STOML3: variants seen among roughly 807,000 people sequenced by gnomAD.
STOML3 encodes the protein stomatin-like protein 3.
Under a neutral mutation model 29.5 loss-of-function variants are expected in STOML3, and 31 were observed. That is an observed-to-expected ratio of 1.05 (90% CI 0.79 to 1.42). The LOEUF (loss-of-function observed/expected upper bound fraction) is 1.42. Ranked by LOEUF, STOML3 falls within the 40% of genes most tolerant of loss-of-function variation. The probability of loss-of-function intolerance (pLI) is 0.00; values close to 1 mark genes in which losing one functional copy is unlikely to be tolerated. For missense variants in STOML3, 380 were observed against 363.0 expected, an observed-to-expected ratio of 1.05 and a Z score of -0.38; for synonymous variants, 122 against 139.8, an observed-to-expected ratio of 0.87 and a Z score of 0.90.
chr13:38,981,695 A>G (rs559315552), intron 1 of STOML3, among the ~76,000 whole-genome samples: 19 of 152,322 alleles, frequency 1.2e-4, no homozygotes, highest in African/African-American at 4.3e-4. Flanking sequence ...CATCAAAAAA[A>G]TGAAAGTCAA....
At chr13:38,973,236 C>T (rs1880954182) in intron 3 of STOML3, among the ~76,000 whole-genome samples, 3 of 150,466 alleles carry the variant, frequency 2.0e-5, no homozygotes, top group Non-Finnish European at 4.4e-5. Flanking sequence ...GAGCCAAGAT[C>T]GTGCCACTGC....
At chr13:38,970,115 C>T in intron 5 of STOML3, 70 bp downstream of exon 5, 2 of 1,439,246 alleles carry the variant, frequency 1.4e-6, no homozygotes, top group East Asian at 2.3e-5. Flanking sequence ...GAACTGCTGA[C>T]ATTTAATAAT....
chr13:38,971,577 C>G (rs914300687), intron 4 of STOML3, among the ~76,000 whole-genome samples: 1 of 152,162 alleles, frequency 6.6e-6, no homozygotes, highest in Admixed American at 6.5e-5. Flanking sequence ...TTCCTCTTCC[C>G]TATTGCTGAG....
chr13:38,977,341 C>G (rs1324011894), intron 1 of STOML3, among the ~76,000 whole-genome samples: 1 of 152,218 alleles, frequency 6.6e-6, no homozygotes, highest in Non-Finnish European at 1.5e-5. Context: ...ACCACTCAGT[C>G]TCTGGGTTTC....
intron 1 of STOML3, among the ~76,000 whole-genome samples, chr13:38,980,738 T>G (rs1016645804): frequency 6.6e-6 from 1 of 152,196 alleles, no homozygotes; most frequent in African/African-American, 2.4e-5. Context: ...CATCATTCAT[T>G]TAACAAATAT....
chr13:38,970,270 G>A lies in STOML3; in HGVS notation c.431C>T (p.Ala144Val), dbSNP rs867239079. The A allele has an allele frequency of 6.2e-7, 1 of 1,614,170 alleles. No homozygotes were observed. The highest frequency in any genetic ancestry group is 1.1e-5 in the South Asian group (1 of 91,082). Residue 144 changes from alanine to valine, a missense_variant, in exon 5 of 7, where the codon GCT becomes GTT. Coordinates refer to ENST00000379631, the MANE Select transcript of STOML3 (RefSeq NM_145286.3). Reference protein sequence around the residue: ...NDVHQATFLLAQTTLRNVLGT... With the variant: ...NDVHQATFLLVQTTLRNVLGT... ...TAAGACATTTCTCAGAGTGGTTTGA[G>A]CCAGCAGAAATGTTGCTTGATGGAC... is the stretch of plus-strand genomic sequence containing the variant.
intron 1 of STOML3, among the ~76,000 whole-genome samples, chr13:38,980,451 A>C (rs953859164): frequency 2.0e-5 from 3 of 152,320 alleles, no homozygotes; most frequent in African/African-American, 7.2e-5. Flanking sequence ...ATTCTGACTG[A>C]AAGGATATGC....
At chr13:38,987,209 A>G (rs1227072210) in intron 1 of STOML3, among the ~76,000 whole-genome samples, 2 of 152,114 alleles carry the variant, frequency 1.3e-5, no homozygotes, top group Non-Finnish European at 2.9e-5. Flanking sequence ...TTAGAAACAC[A>G]TGCACACAAG....
Position 38,966,653 on chromosome 13 carries a change from C to T in STOML3, c.*172G>A, listed in dbSNP as rs1240132777. Reference sequence around the variant, plus strand: ...AAGTAATATACAGGTCTCATTTTTGCTCTTTTTTTCTTCTCTGTATAGCCT... The same window carrying T: ...AAGTAATATACAGGTCTCATTTTTGTTCTTTTTTTCTTCTCTGTATAGCCT... On this transcript the variant is annotated 3_prime_UTR_variant, in exon 7 of 7. Transcript: ENST00000379631. 1.3e-5 allele frequency: 7 copies of T among 550,368 alleles called. No individual in the cohort carries two copies. Among genetic ancestry groups the T allele is most frequent in the African/African-American group, 1.9e-5 (1 of 53,126 alleles). The allele number at this position is 550,368 out of a possible 1,614,324, so 34.1% of individuals were successfully genotyped here.
In STOML3 at chr13:38,980,169, C is replaced by A. The variant is rs1370198714; in HGVS notation, c.53-3372G>T. The A allele has an allele frequency of 3.2e-6, 5 of 1,540,472 alleles. No homozygotes were observed. The African/African-American group carries it at 5.5e-5, about 17-fold the overall frequency. On this transcript the variant is annotated intron_variant, in intron 1 of 6. Coordinates refer to ENST00000379631, the MANE Select transcript of STOML3 (RefSeq NM_145286.3). ...GACAAGAGAAGAGAATGTGACTATT[C>A]TTCCAAGATTTACACTGGAGCATTA...
At chr13:38,990,368 G>A (rs1011156600) in intron 1 of STOML3, among the ~76,000 whole-genome samples, 51 of 152,038 alleles carry the variant, frequency 3.4e-4, no homozygotes, top group African/African-American at 1.1e-3. Context: ...AGAAGCAAAT[G>A]AAATCAGCAT....
rs192243166 is a variant in STOML3, at chr13:38,989,281, G to A, written c.52+1389C>T. 1.3e-3 allele frequency among the ~76,000 whole-genome samples: 195 copies of A among 151,970 alleles called. 1 individual carries two copies. The highest frequency in any genetic ancestry group is 2.5e-3 in the Non-Finnish European group (168 of 67,982). ...TTTCAAGAATCTCACTGATGATACA[G>A]CTTCAGTCATGCCATCTACCCAGTT... is the stretch of plus-strand genomic sequence containing the variant. On this transcript the variant is annotated intron_variant, in intron 1 of 6. Coordinates refer to ENST00000379631, the MANE Select transcript of STOML3 (RefSeq NM_145286.3).
intron 1 of STOML3, among the ~76,000 whole-genome samples, chr13:38,987,530 C>T (rs2138027990): frequency 6.6e-6 from 1 of 150,756 alleles, no homozygotes. Flanking sequence ...CAGCACACTC[C>T]CACATAATGT....
intron 3 of STOML3, among the ~76,000 whole-genome samples, chr13:38,976,022 A>T (rs2138014166): frequency 6.6e-6 from 1 of 152,244 alleles, no homozygotes; most frequent in Non-Finnish European, 1.5e-5. Context: ...TGTTTTCAAA[A>T]CCAAGGGATT....
At chr13:38,983,811 A>G (rs1881348199) in intron 1 of STOML3, among the ~76,000 whole-genome samples, 2 of 152,174 alleles carry the variant, frequency 1.3e-5, no homozygotes, top group Admixed American at 1.3e-4. Flanking sequence ...TTTACAACAC[A>G]TTATCTACTG....
In STOML3 at chr13:38,986,613, C is replaced by A. The variant is rs112926742; in HGVS notation, c.52+4057G>T. 3.9e-3 allele frequency among the ~76,000 whole-genome samples: 591 copies of A among 152,260 alleles called. 7 individuals are homozygous for A. Among genetic ancestry groups the A allele is most frequent in the African/African-American group, 0.014 (569 of 41,530 alleles). ...TCTGTAGAGAATGAAGGACTTTGAT[C>A]ATCAAAGATGAAATCTAAAGGAAAA... On this transcript the variant is annotated intron_variant, in intron 1 of 6. Transcript: ENST00000379631.
At chr13:38,975,341 A>G (rs7490998) in intron 3 of STOML3, among the ~76,000 whole-genome samples, 1 of 149,458 alleles carries the variant, frequency 6.7e-6, no homozygotes, top group Non-Finnish European at 1.5e-5. Context: ...AAAGAAAAAC[A>G]AAAAAAAGAA....
chr13:38,979,164 T>A (rs1353524566), intron 1 of STOML3, among the ~76,000 whole-genome samples: 2 of 152,238 alleles, frequency 1.3e-5, no homozygotes, highest in Non-Finnish European at 2.9e-5. Flanking sequence ...CTTGCCTGAA[T>A]ACTCTGAAAT....
At chr13:38,988,738 T>C (rs1224293790) in intron 1 of STOML3, among the ~76,000 whole-genome samples, 2 of 141,462 alleles carry the variant, frequency 1.4e-5, no homozygotes, top group Non-Finnish European at 3.0e-5. Flanking sequence ...TGGAAAAACA[T>C]ATTTGCCACT....
Sources: allele counts gnomAD v4.1 joint callset (sites outside exome capture counted in the v4.1 genomes callset), GRCh38; gene constraint gnomAD v4.1.1; transcripts MANE v1.5; gene names NCBI Gene and HGNC (gene_info 2026-07-23, HGNC 2026-07-21).